KCNQ1: variants seen among roughly 807,000 people sequenced by gnomAD.
The protein encoded by KCNQ1 is potassium voltage-gated channel subfamily KQT member 1.
A neutral mutation model predicts 72.4 loss-of-function variants in KCNQ1; 49 were observed. The observed-to-expected ratio is 0.68, with a 90% CI of 0.54 to 0.86. The LOEUF (loss-of-function observed/expected upper bound fraction) is 0.86, where lower values mean the gene tolerates loss of function less well. Ranked by LOEUF, KCNQ1 falls within the 40% of genes least tolerant of loss-of-function variation. The pLI is 0.00. For synonymous variants in KCNQ1, 450 were observed against 412.6 expected (o/e 1.09, Z -1.10); for missense variants, 790 against 945.1 (o/e 0.84, Z 2.15).
intron 15 of KCNQ1, among the ~76,000 whole-genome samples, chr11:2,841,898 C>A (rs1848221361): frequency 6.6e-6 from 1 of 152,174 alleles, no homozygotes; most frequent in East Asian, 1.9e-4. Context: ...AGGGAGGCAA[C>A]CCCGCTCCTG....
chr11:2,473,353 C>T lies in KCNQ1; in HGVS notation c.386+27869C>T, dbSNP rs1044731907. 1.5e-4 allele frequency among the ~76,000 whole-genome samples: 23 copies of T among 152,112 alleles called. No individual in the cohort carries two copies. The highest frequency in any genetic ancestry group is 1.0e-3 in the Admixed American group (16 of 15,278). ...GTTGGGGACCTCCAGGGCTTCCATT[C>T]GACCTGAGGCCCATGGTGCAGTGAG... On this transcript the variant is annotated intron_variant, in intron 1 of 15. Coordinates refer to ENST00000155840, the MANE Select transcript of KCNQ1 (RefSeq NM_000218.3). The surrounding 1 kb of genome is among the most constrained non-coding windows in gnomAD (Gnocchi z 6.0).
chr11:2,482,591 G>C lies in KCNQ1; in HGVS notation c.386+37107G>C, dbSNP rs771699195. Among the ~76,000 whole-genome samples, 7 of 152,130 alleles carry C rather than the reference G, an allele frequency of 4.6e-5. No homozygotes were observed. Among genetic ancestry groups the C allele is most frequent in the Non-Finnish European group, 8.8e-5 (6 of 68,034 alleles). The stretch of plus-strand genomic sequence containing the variant: ...CCTTTGGCCAAATCACCTTCCGGGA[G>C]TGTTTTCCTAATTTAGCTTCCTACT... On this transcript the variant is annotated intron_variant, in intron 1 of 15. Coordinates refer to ENST00000155840, the MANE Select transcript of KCNQ1 (RefSeq NM_000218.3). This position sits in a 1 kb window ranked among gnomAD's most constrained non-coding sequence, Gnocchi z 5.7.
intron 15 of KCNQ1, among the ~76,000 whole-genome samples, chr11:2,795,271 G>A (rs1332808013): frequency 6.6e-6 from 1 of 152,250 alleles, no homozygotes; most frequent in East Asian, 1.9e-4. Context: ...GCTCAGAGCA[G>A]TCCCTGCTGC....
intron 10 of KCNQ1, chr11:2,650,968 C>A (rs1053803643): frequency 2.5e-6 from 1 of 398,082 alleles, no homozygotes; most frequent in Non-Finnish European, 4.4e-6. Context: ...TCTAATCTAT[C>A]AGTATGTCTT....
chr11:2,581,991 C>T (rs1247503710), intron 6 of KCNQ1, among the ~76,000 whole-genome samples: 3 of 152,214 alleles, frequency 2.0e-5, no homozygotes, highest in Admixed American at 6.5e-5. Flanking sequence ...TGGCCATAAG[C>T]GAACGTGCGG....
chr11:2,568,229 C>T (rs371908387), intron 2 of KCNQ1, among the ~76,000 whole-genome samples: 6 of 152,122 alleles, frequency 3.9e-5, no homozygotes, highest in African/African-American at 1.2e-4. Flanking sequence ...GCCGAGATCA[C>T]GCCACTGCAC....
chr11:2,519,635 CAAAACAAA>C (rs1433464851), intron 1 of KCNQ1, among the ~76,000 whole-genome samples: 1 of 151,768 alleles, frequency 6.6e-6, no homozygotes, highest in African/African-American at 2.4e-5. Context: ...CAAAACAAAA[CAAAACAAA>C]AAACCAAAAA....
At position 2,691,661 on chromosome 11, in the gene KCNQ1, G is replaced by A. The variant is rs527957277; in HGVS notation, c.1514+29580G>A. On this transcript the variant is annotated intron_variant, in intron 11 of 15. Transcript: ENST00000155840. The surrounding 1 kb of genome is among the most constrained non-coding windows in gnomAD (Gnocchi z 6.4). ...TCTTTACCGCCACAGTTCCAAGGGT[G>A]AAACAGAGAACCAGGTGGGGAAGGG... 226 of 398,584 alleles carry A rather than the reference G, an allele frequency of 5.7e-4. No individual in the cohort carries two copies. Among genetic ancestry groups the A allele is most frequent in the Middle Eastern group, 2.5e-3 (4 of 1,586 alleles). 24.7% of individuals were successfully genotyped at this position (398,584 alleles called of 1,614,324 possible).
chr11:2,512,827 G>A (rs909413), intron 1 of KCNQ1, among the ~76,000 whole-genome samples: 2 of 152,126 alleles, frequency 1.3e-5, no homozygotes, highest in Non-Finnish European at 2.9e-5. Flanking sequence ...ACCCCTAGCC[G>A]TGGGAGTTGG....
rs1846134324 is a variant in KCNQ1 at position 2,452,763 on chromosome 11, C to CTTTAA, written c.386+7279_386+7280insTTTAA. Among the ~76,000 whole-genome samples, 2 of 152,222 alleles carry CTTTAA rather than the reference C, an allele frequency of 1.3e-5. 1 individual carries two copies. Among genetic ancestry groups the CTTTAA allele is most frequent in the South Asian group, 4.1e-4 (2 of 4,834 alleles). ...ATTGCCTTATAGGCAGGCAGATCACCAATGGAACAGCTTTTTAAAAACCGC... is the reference window on the plus strand; with the variant it reads ...ATTGCCTTATAGGCAGGCAGATCACCTTTAAAATGGAACAGCTTTTTAAAAACCGC... On this transcript the variant is annotated intron_variant, in intron 1 of 15. Coordinates refer to ENST00000155840, the MANE Select transcript of KCNQ1 (RefSeq NM_000218.3).
intron 11 of KCNQ1, chr11:2,700,078 A>G (rs1476073993): frequency 2.5e-6 from 1 of 398,020 alleles, no homozygotes; most frequent in East Asian, 3.6e-5. Context: ...GGGCGGCAGC[A>G]GGGGAAGGCT....
intron 8 of KCNQ1, 65 bp from the exon 9 acceptor site, chr11:2,587,505 G>C: frequency 1.9e-6 from 3 of 1,608,304 alleles, no homozygotes; most frequent in Non-Finnish European, 2.5e-6. Flanking sequence ...GGGAGCTGTA[G>C]CTTCCATAAG....
rs918503364 is a variant in KCNQ1 at position 2,509,656 on chromosome 11, C to T, written c.387-18272C>T. Among the ~76,000 whole-genome samples the T allele has an allele frequency of 2.0e-5, 3 of 152,174 alleles. No individual in the cohort carries two copies. Among genetic ancestry groups the T allele is most frequent in the Admixed American group, 6.5e-5 (1 of 15,278 alleles). ...TCAGCGTTTCACTCCCAGCACGTCA[C>T]GCCACGTCCCTTTCCTCTGCTTTGT... On this transcript the variant is annotated intron_variant, in intron 1 of 15. Transcript: ENST00000155840. The surrounding 1 kb of genome is among the most constrained non-coding windows in gnomAD (Gnocchi z 6.3).
chr11:2,546,415 T>C (rs1847903189), intron 2 of KCNQ1, among the ~76,000 whole-genome samples: 1 of 151,410 alleles, frequency 6.6e-6, no homozygotes, highest in African/African-American at 2.4e-5. Context: ...ACTGCTGTTG[T>C]TGGGAGGACT....
At chr11:2,523,751 G>GTTT (rs59766245) in intron 1 of KCNQ1, among the ~76,000 whole-genome samples, 3,080 of 115,066 alleles carry the variant, frequency 0.027, 87 homozygotes, top group African/African-American at 0.04. Context: ...GAAGTTTACA[G>GTTT]TTTTTTTTTT....
At chr11:2,521,645 G>A (rs768884257) in intron 1 of KCNQ1, 2 of 421,190 alleles carry the variant, frequency 4.7e-6, no homozygotes, top group Non-Finnish European at 1.0e-5. Context: ...GTCTTTGCAC[G>A]TGAAGTAGGT....
At chr11:2,800,098 G>T (rs1178144375) in intron 15 of KCNQ1, among the ~76,000 whole-genome samples, 2 of 152,224 alleles carry the variant, frequency 1.3e-5, no homozygotes, top group Non-Finnish European at 2.9e-5. Context: ...GTGAGCAGAT[G>T]CAGACGTCCA....
In KCNQ1 at chr11:2,538,615, C is replaced by T. The variant is rs571187170; in HGVS notation, c.477+10597C>T. Among the ~76,000 whole-genome samples, 4 of 151,626 alleles carry T rather than the reference C, an allele frequency of 2.6e-5. No homozygotes were observed. The highest frequency in any genetic ancestry group is 2.0e-4 in the East Asian group (1 of 5,128). On this transcript the variant is annotated intron_variant, in intron 2 of 15. Coordinates refer to ENST00000155840, the MANE Select transcript of KCNQ1 (RefSeq NM_000218.3). The surrounding 1 kb of genome is among the most constrained non-coding windows in gnomAD (Gnocchi z 6.7). Reference sequence around the variant, plus strand: ...TGGGAATCCTGGGCTGGAACCGGAACGTTCCCCGAGTACATAGGAATCCTG... The same window carrying T: ...TGGGAATCCTGGGCTGGAACCGGAATGTTCCCCGAGTACATAGGAATCCTG...
chr11:2,649,050 T>G, intron 10 of KCNQ1: 1 of 397,014 alleles, frequency 2.5e-6, no homozygotes. Flanking sequence ...TTTTGGTGTC[T>G]GTTTGTGTGG....
Sources: allele counts gnomAD v4.1 joint callset (sites outside exome capture counted in the v4.1 genomes callset), GRCh38; gene constraint gnomAD v4.1.1; non-coding constraint Gnocchi (gnomAD v3.1); transcripts MANE v1.5; gene names NCBI Gene and HGNC (gene_info 2026-07-23, HGNC 2026-07-21).